Variants in PLA2G4C observed in about 807,000 individuals in gnomAD.
PLA2G4C encodes phospholipase A2 group IVC.
Under a neutral mutation model 73.8 loss-of-function variants are expected in PLA2G4C, and 64 were observed. That is an observed-to-expected ratio of 0.87 (90% CI 0.71 to 1.07). The LOEUF (loss-of-function observed/expected upper bound fraction) is 1.07, where lower values mean the gene tolerates loss of function less well. PLA2G4C is among the 50% of genes least tolerant of loss of function. The pLI is 0.00. For missense variants in PLA2G4C, 622 were observed against 665.4 expected (o/e 0.93, Z 0.72); for synonymous variants, 254 against 252.1 (o/e 1.01, Z -0.07).
In PLA2G4C at chr19:48,105,797, T is replaced by TCCCTCCCTCCCCTTCCCTC. The variant is rs2032150195; in HGVS notation, c.9-354_9-353insGAGGGAAGGGGAGGGAGGG. The stretch of plus-strand genomic sequence containing the variant: ...CAACATGGTGACATACCTCCCTCCC[T>TCCCTCCCTCCCCTTCCCTC]CCCTCCCTCCCTCCCCTTCCCTCCC... On this transcript the variant is annotated intron_variant, in intron 2 of 16. Transcript: ENST00000599921. Among the ~76,000 whole-genome samples the TCCCTCCCTCCCCTTCCCTC allele has an allele frequency of 7.9e-4, 28 of 35,410 alleles. 6 individuals are homozygous for TCCCTCCCTCCCCTTCCCTC. Among genetic ancestry groups the TCCCTCCCTCCCCTTCCCTC allele is most frequent in the African/African-American group, 2.1e-3 (24 of 11,694 alleles). 23.2% of individuals were successfully genotyped at this position (35,410 alleles called of 152,430 possible).
intron 14 of PLA2G4C, 26 bp downstream of exon 14, chr19:48,061,972 C>T (rs1399892652): frequency 2.5e-6 from 4 of 1,611,754 alleles, no homozygotes; most frequent in Non-Finnish European, 3.4e-6. Flanking sequence ...CCACCCAGGA[C>T]CGGCCCCAAA....
At chr19:48,097,444 G>A (rs2031654246) in intron 6 of PLA2G4C, among the ~76,000 whole-genome samples, 1 of 150,990 alleles carries the variant, frequency 6.6e-6, no homozygotes, top group African/African-American at 2.4e-5. Flanking sequence ...AGTAGAGACG[G>A]GGTTTCACTG....
chr19:48,099,713 G>A lies in PLA2G4C; in HGVS notation c.405C>T (p.Thr135=), dbSNP rs776960852. 26 of 1,613,854 alleles carry A rather than the reference G, an allele frequency of 1.6e-5. No homozygotes were observed. The highest frequency in any genetic ancestry group is 8.8e-5 in the South Asian group (8 of 91,058). The change falls in exon 5 of 17, where the codon ACC becomes ACT. Residue 135 remains threonine (T), a synonymous_variant. Transcript: ENST00000599921. ...QAARSENYSL[T]DFWAYMVISK... ...AGATAACCATGTAGGCCCAGAAGTC[G>A]GTCAGAGAGTAATTCTCAGACCTCG...
intron 6 of PLA2G4C, among the ~76,000 whole-genome samples, chr19:48,097,436 T>C (rs967208602): frequency 2.0e-5 from 3 of 151,004 alleles, no homozygotes; most frequent in Non-Finnish European, 4.4e-5. Flanking sequence ...GTATTTTTAG[T>C]AGAGACGGGG....
At chr19:48,090,800 C>T (rs2031250493) in intron 7 of PLA2G4C, among the ~76,000 whole-genome samples, 1 of 152,106 alleles carries the variant, frequency 6.6e-6, no homozygotes, top group Non-Finnish European at 1.5e-5. Context: ...AGCTCTGGTC[C>T]ATGCACACTG....
chr19:48,066,801 TGAAAAA>T (rs1568428996), intron 13 of PLA2G4C, among the ~76,000 whole-genome samples: 1 of 151,584 alleles, frequency 6.6e-6, no homozygotes, highest in East Asian at 1.9e-4. Flanking sequence ...CCCATCTCTA[TGAAAAA>T]GAAAAAGAAA....
chr19:48,066,091 A>G (rs1600176442), intron 13 of PLA2G4C, among the ~76,000 whole-genome samples: 1 of 151,926 alleles, frequency 6.6e-6, no homozygotes, highest in African/African-American at 2.4e-5. Flanking sequence ...CCATCTCAAA[A>G]AAAAAAAAAA....
intron 1 of PLA2G4C, among the ~76,000 whole-genome samples, chr19:48,107,653 C>T (rs901927128): frequency 7.2e-5 from 11 of 152,100 alleles, no homozygotes; most frequent in African/African-American, 2.7e-4. Flanking sequence ...TGCTCCACCG[C>T]CTCCTGTGGA....
At chr19:48,064,625 C>A (rs1013561187) in intron 13 of PLA2G4C, 1 of 152,188 alleles carries the variant, frequency 6.6e-6, no homozygotes, top group South Asian at 2.1e-4. Flanking sequence ...GAATGCCTAA[C>A]TTCCTGGGGA....
chr19:48,064,194 C>A (rs1285350563), intron 13 of PLA2G4C, among the ~76,000 whole-genome samples: 8 of 152,062 alleles, frequency 5.3e-5, no homozygotes, highest in Non-Finnish European at 1.0e-4. Context: ...TTTGGGAGGC[C>A]AAGGTGGGTG....
At chr19:48,090,067 G>A (rs988844420) in intron 8 of PLA2G4C, 2 of 370,938 alleles carry the variant, frequency 5.4e-6, no homozygotes, top group Non-Finnish European at 9.8e-6. Flanking sequence ...CATAACTACT[G>A]TTATTATCAC....
At chr19:48,068,752 A>G (rs942030570) in intron 12 of PLA2G4C, among the ~76,000 whole-genome samples, 2 of 151,638 alleles carry the variant, frequency 1.3e-5, no homozygotes, top group Admixed American at 6.6e-5. Context: ...AAAAAAGAAA[A>G]AAAGGAAGAC....
At chr19:48,071,291 ACTT>A (rs72424632) in intron 12 of PLA2G4C, among the ~76,000 whole-genome samples, 41,048 of 151,850 alleles carry the variant, frequency 0.27, 5,873 homozygotes, top group East Asian at 0.52. Flanking sequence ...AGGACTCCAT[ACTT>A]CTTCTTTTTT....
intron 15 of PLA2G4C, among the ~76,000 whole-genome samples, chr19:48,054,407 G>A (rs904154979): frequency 5.9e-5 from 9 of 151,976 alleles, no homozygotes; most frequent in South Asian, 2.1e-4. Flanking sequence ...AGGTTCAAGC[G>A]ATTCTCCTGC....
rs556839787 is a variant in PLA2G4C at position 48,110,554 on chromosome 19, C to T, written c.-100G>A. The T allele has an allele frequency of 1.2e-4, 184 of 1,489,876 alleles. 1 individual carries two copies. The South Asian group carries it at 1.3e-3, about 11-fold the overall frequency. The allele number at this position is 1,489,876 out of a possible 1,614,324, so 92.3% of individuals were successfully genotyped here. On this transcript the variant is annotated 5_prime_UTR_variant, in exon 1 of 17. Transcript: ENST00000599921. ...TGTGCTCCGGAATCCGGTGCGGAGG[C>T]TTGGGCTCCCTGCGCTTAGCGGTGT...
rs11564622 is a variant in PLA2G4C at position 48,067,629 on chromosome 19, C to T, written c.1102+162G>A. Among the ~76,000 whole-genome samples, 1,382 of 152,238 alleles carry T rather than the reference C, an allele frequency of 9.1e-3. 10 individuals carry two copies. The highest frequency in any genetic ancestry group is 0.015 in the Non-Finnish European group (991 of 68,008). ...TTTCAGTATGGACCACACCACTGAGCGAAAGTTCCCCTAATCAGATCCCTG... is the reference window on the plus strand; with the variant it reads ...TTTCAGTATGGACCACACCACTGAGTGAAAGTTCCCCTAATCAGATCCCTG... On this transcript the variant is annotated intron_variant, in intron 13 of 16. Transcript: ENST00000599921.
At chr19:48,067,220 T>A (rs1205393702) in intron 13 of PLA2G4C, among the ~76,000 whole-genome samples, 1 of 150,178 alleles carries the variant, frequency 6.7e-6, no homozygotes, top group Non-Finnish European at 1.5e-5. Context: ...CAGGCTGGAG[T>A]GCAGTGGGAT....
At chr19:48,065,950 A>C (rs1864108) in intron 13 of PLA2G4C, among the ~76,000 whole-genome samples, 1 of 151,898 alleles carries the variant, frequency 6.6e-6, no homozygotes, top group South Asian at 2.1e-4. Flanking sequence ...AAAATTAGCC[A>C]GGCGTGGTGG....
intron 9 of PLA2G4C, among the ~76,000 whole-genome samples, chr19:48,086,758 C>G (rs1046984376): frequency 7.9e-5 from 12 of 152,148 alleles, no homozygotes; most frequent in African/African-American, 2.7e-4. Flanking sequence ...GAAAATGGCT[C>G]TATGTCCTCA....
Sources: gnomAD v4.1 joint callset for allele counts (sites outside exome capture counted in the v4.1 genomes callset) on GRCh38, gnomAD v4.1.1 for gene constraint, MANE v1.5 for transcripts, NCBI Gene and HGNC (gene_info 2026-07-23, HGNC 2026-07-21) for gene names.